The following DAB1 variants were observed in gnomAD, a reference collection of about 807,000 sequenced individuals.
DAB1 encodes the protein DAB adaptor protein 1.
Under a neutral mutation model 64.6 loss-of-function variants are expected in DAB1, and 15 were observed. The ratio of observed to expected loss-of-function variants is 0.23; its 90% CI spans 0.16 to 0.36. The LOEUF (loss-of-function observed/expected upper bound fraction) is 0.36. DAB1 is among the 10% of genes least tolerant of loss of function. The probability of loss-of-function intolerance (pLI) is 1.00; values close to 1 mark genes in which losing one functional copy is unlikely to be tolerated. For synonymous variants in DAB1, 235 were observed against 251.9 expected (o/e 0.93, Z 0.64); for missense variants, 596 against 706.7 (o/e 0.84, Z 1.78).
chr1:57,938,230 G>T (rs1471141116), intron 5 of DAB1, among the ~76,000 whole-genome samples: 5 of 152,190 alleles, frequency 3.3e-5, no homozygotes, highest in Non-Finnish European at 5.9e-5. Context: ...AGGGATACTG[G>T]CACTTGGATC....
chr1:57,308,404 A>G (rs2100724179), intron 1 of DAB1, among the ~76,000 whole-genome samples: 1 of 152,326 alleles, frequency 6.6e-6, no homozygotes, highest in Middle Eastern at 3.4e-3. Context: ...ACAGAAAATC[A>G]CAAGGCTGAA....
At chr1:57,887,065 C>T (rs1036782176), upstream of DAB1, among the ~76,000 whole-genome samples, 18 of 152,058 alleles carry the variant, frequency 1.2e-4, no homozygotes, top group Non-Finnish European at 1.9e-4. Flanking sequence ...CCTTTACTGC[C>T]TCCTCCCACC....
chr1:57,289,046 C>G (rs1276865399), intron 2 of DAB1, among the ~76,000 whole-genome samples: 1 of 152,128 alleles, frequency 6.6e-6, no homozygotes, highest in Admixed American at 6.5e-5. Context: ...ACCCAAATCC[C>G]ATGATATTAG....
At chr1:57,739,433 TCCCC>T (rs1647858387) in intron 6 of DAB1, among the ~76,000 whole-genome samples, 8 of 26,348 alleles carry the variant, frequency 3.0e-4, no homozygotes, top group East Asian at 1.9e-3. Context: ...CCAACTCCCC[TCCCC>T]TCCCCTCCCC....
intron 1 of DAB1, among the ~76,000 whole-genome samples, chr1:57,311,410 A>C (rs1295271298): frequency 6.7e-6 from 1 of 149,690 alleles, no homozygotes; most frequent in Non-Finnish European, 1.5e-5. Context: ...TAAGTCATCA[A>C]ATTCCCCAAG....
At chr1:58,540,543 A>G (rs910200173) in intron 1 of DAB1, among the ~76,000 whole-genome samples, 4 of 151,388 alleles carry the variant, frequency 2.6e-5, no homozygotes, top group South Asian at 2.1e-4. Flanking sequence ...GATATGTAAT[A>G]TATTTCTTTA....
intron 2 of DAB1, among the ~76,000 whole-genome samples, chr1:57,267,357 A>C (rs1237604636): frequency 6.6e-6 from 1 of 152,188 alleles, no homozygotes; most frequent in Non-Finnish European, 1.5e-5. Flanking sequence ...TAAGCCACTC[A>C]GTTTGTGATA....
chr1:57,645,224 A>G (rs555810570), intron 7 of DAB1, among the ~76,000 whole-genome samples: 19 of 152,314 alleles, frequency 1.2e-4, no homozygotes, highest in African/African-American at 4.3e-4. Flanking sequence ...ATGTAATTCA[A>G]TCTAGTCACG....
intron 1 of DAB1, among the ~76,000 whole-genome samples, chr1:58,545,035 T>A (rs1017178796): frequency 2.6e-5 from 4 of 152,156 alleles, no homozygotes; most frequent in African/African-American, 9.7e-5. Flanking sequence ...ACGCCTGGAC[T>A]TTCGTTGGTT....
rs60579255 is a variant in DAB1, at chr1:58,399,391, A to G, written n.258-55988T>C. On this transcript the variant is annotated intron_variant and non_coding_transcript_variant, in intron 3 of 20. Transcript: ENST00000485760. ...AGTGACAGAAGCAGGGCTGGGATCC[A>G]AGCCTCCCACCTCTTAGGCCAAATT... Among the ~76,000 whole-genome samples, 793 of 152,310 alleles carry G rather than the reference A, an allele frequency of 5.2e-3. 3 individuals are homozygous for G. Among genetic ancestry groups the G allele is most frequent in the African/African-American group, 0.018 (767 of 41,574 alleles).
intron 4 of DAB1, among the ~76,000 whole-genome samples, chr1:57,074,240 G>C (rs938646126): frequency 1.3e-5 from 2 of 152,102 alleles, no homozygotes; most frequent in African/African-American, 2.4e-5. Context: ...TTCTCTTACT[G>C]GCACTTAGTT....
intron 5 of DAB1, chr1:58,048,870 C>T (rs1293951339): frequency 1.2e-5 from 11 of 943,868 alleles, no homozygotes; most frequent in African/African-American, 4.8e-5. Context: ...TTCTTTGCCA[C>T]TGCCTCAGTC....
intron 5 of DAB1, among the ~76,000 whole-genome samples, chr1:58,130,868 T>C (rs567610087): frequency 2.5e-4 from 38 of 152,222 alleles, no homozygotes; most frequent in African/African-American, 8.7e-4. Context: ...TAACCCGACC[T>C]TTCTCTCTGG....
At chr1:58,020,603 G>GC (rs1646801284) in intron 5 of DAB1, among the ~76,000 whole-genome samples, 1 of 152,196 alleles carries the variant, frequency 6.6e-6, no homozygotes, top group African/African-American at 2.4e-5. Context: ...AAGAGGTATA[G>GC]CAGGTTCTGT....
At chr1:57,434,438 A>G (rs1313649187) in intron 7 of DAB1, among the ~76,000 whole-genome samples, 14 of 152,258 alleles carry the variant, frequency 9.2e-5, no homozygotes, top group African/African-American at 2.9e-4. Context: ...AACAGGCAAA[A>G]TAAATCTACA....
At chr1:57,606,633 T>TAATATATGAAATATATATTATGTATGAAA (rs1645652474) in intron 7 of DAB1, among the ~76,000 whole-genome samples, 1 of 96,316 alleles carries the variant, frequency 1.0e-5, no homozygotes, top group Non-Finnish European at 2.0e-5. Context: ...ATGAAATATA[T>TAATATATGAAATATATATTATGTATGAAA]TATATATGAA....
intron 5 of DAB1, among the ~76,000 whole-genome samples, chr1:58,130,628 C>T (rs1653485295): frequency 2.6e-5 from 4 of 152,066 alleles, no homozygotes; most frequent in African/African-American, 9.7e-5. Flanking sequence ...GTCCTTCCTT[C>T]AGGAGCTCTT....
intron 2 of DAB1, among the ~76,000 whole-genome samples, chr1:57,272,681 A>G (rs1671106740): frequency 6.6e-6 from 1 of 152,228 alleles, no homozygotes; most frequent in South Asian, 2.1e-4. Context: ...CTCTAAAGAC[A>G]GTAATGCAAT....
intron 1 of DAB1, among the ~76,000 whole-genome samples, chr1:57,419,816 G>C (rs1476952489): frequency 1.3e-5 from 2 of 152,224 alleles, no homozygotes; most frequent in Non-Finnish European, 2.9e-5. Context: ...AGCTTACAGA[G>C]CTGGTAGAGC....
Sources: allele counts gnomAD v4.1 joint callset (sites outside exome capture counted in the v4.1 genomes callset), GRCh38; gene constraint gnomAD v4.1.1; transcripts MANE v1.5; gene names NCBI Gene and HGNC (gene_info 2026-07-23, HGNC 2026-07-21).